The following BRMS1L variants were observed in gnomAD, a reference collection of about 807,000 sequenced individuals.
The protein encoded by BRMS1L is breast cancer metastasis-suppressor 1-like protein.
In BRMS1L, 23 loss-of-function variants were observed where a neutral mutation model predicts 50.3. The observed-to-expected ratio is 0.46, with a 90% CI of 0.33 to 0.65. The LOEUF (loss-of-function observed/expected upper bound fraction) is 0.65, where lower values mean the gene tolerates loss of function less well. Among genes scored for constraint, BRMS1L ranks in the 30% least tolerant of loss-of-function variants. The pLI, the probability that BRMS1L is intolerant of heterozygous loss-of-function variation, is 0.02. For synonymous variants in BRMS1L, 114 were observed against 126.9 expected (o/e 0.90, Z 0.69); for missense variants, 286 against 386.1 (o/e 0.74, Z 2.17).
At chr14:35,862,187 A>G (rs2078361131) in intron 4 of BRMS1L, among the ~76,000 whole-genome samples, 1 of 152,146 alleles carries the variant, frequency 6.6e-6, no homozygotes. Context: ...TGACCCAATT[A>G]TTATTCCTGT....
At chr14:35,865,846 G>C in intron 8 of BRMS1L, 85 bp downstream of exon 8, 1 of 1,189,420 alleles carries the variant, frequency 8.4e-7, no homozygotes, top group Non-Finnish European at 1.2e-6. Flanking sequence ...AAGAACTCTT[G>C]AATCAGTGGT....
intron 3 of BRMS1L, 118 bp from the exon 4 acceptor site, chr14:35,834,726 C>G: frequency 1.8e-6 from 1 of 560,254 alleles, no homozygotes. Context: ...GTTAGACTCA[C>G]TTTTCAATTT....
chr14:35,835,952 A>G (rs2077986655), intron 4 of BRMS1L, among the ~76,000 whole-genome samples: 1 of 152,248 alleles, frequency 6.6e-6, no homozygotes, highest in Non-Finnish European at 1.5e-5. Flanking sequence ...GGTAGAAATA[A>G]GAGGACAAGT....
chr14:35,853,950 G>T (rs1008051583), intron 4 of BRMS1L, among the ~76,000 whole-genome samples: 1 of 151,916 alleles, frequency 6.6e-6, no homozygotes, highest in African/African-American at 2.4e-5. Context: ...TACATTAATA[G>T]AATCTAAAAA....
At chr14:35,864,848 A>T in intron 6 of BRMS1L, 87 bp from the exon 7 acceptor site, 1 of 952,944 alleles carries the variant, frequency 1.0e-6, no homozygotes, top group Non-Finnish European at 1.6e-6. Context: ...CTCATAAATC[A>T]TCGTTCCATT....
At chr14:35,829,463 A>G (rs1036402089) in intron 1 of BRMS1L, among the ~76,000 whole-genome samples, 46 of 152,242 alleles carry the variant, frequency 3.0e-4, no homozygotes, top group African/African-American at 1.1e-3. Flanking sequence ...CTACAAGTCA[A>G]AATTTTAAGT....
At chr14:35,853,392 A>G (rs1191871733) in intron 4 of BRMS1L, among the ~76,000 whole-genome samples, 1 of 151,584 alleles carries the variant, frequency 6.6e-6, no homozygotes, top group Non-Finnish European at 1.5e-5. Flanking sequence ...TACTTTGATG[A>G]TGATGTTAAT....
chr14:35,837,255 CA>C (rs1292627703), intron 4 of BRMS1L, among the ~76,000 whole-genome samples: 52 of 127,560 alleles, frequency 4.1e-4, no homozygotes, highest in East Asian at 1.6e-3. Context: ...AACTCCGGCT[CA>C]AAAAAAAAAA....
chr14:35,862,768 C>A, intron 5 of BRMS1L, 82 bp downstream of exon 5: 2 of 720,556 alleles, frequency 2.8e-6, no homozygotes, highest in East Asian at 3.2e-5. Flanking sequence ...TCTCAGTCTT[C>A]TAATATTAAT....
intron 4 of BRMS1L, among the ~76,000 whole-genome samples, chr14:35,847,311 T>C (rs2078148709): frequency 6.6e-6 from 1 of 151,736 alleles, no homozygotes; most frequent in Non-Finnish European, 1.5e-5. Context: ...TTCTTTTTCT[T>C]CTTTCTTTTT....
intron 4 of BRMS1L, among the ~76,000 whole-genome samples, chr14:35,848,043 G>A (rs889837403): frequency 2.6e-5 from 4 of 152,140 alleles, no homozygotes; most frequent in Non-Finnish European, 5.9e-5. Flanking sequence ...TTGAGATCCC[G>A]ATTTCAATTC....
intron 1 of BRMS1L, among the ~76,000 whole-genome samples, chr14:35,828,758 C>T (rs926188632): frequency 1.3e-5 from 2 of 151,938 alleles, no homozygotes; most frequent in East Asian, 1.9e-4. Flanking sequence ...GCCTGGCCGA[C>T]GTGTTGCTTT....
At position 35,831,475 on chromosome 14, in the gene BRMS1L, A is replaced by C. The variant is rs2077917719; in HGVS notation, c.208A>C (p.Lys70Gln). 1.2e-6 allele frequency: 2 copies of C among 1,613,870 alleles called. No individual in the cohort carries two copies. The highest frequency in any genetic ancestry group is 8.5e-7 in the Non-Finnish European group (1 of 1,179,774). Reference protein sequence around the residue: ...ECLDEMSNLEKQFTDLKDQLY... With the variant: ...ECLDEMSNLEQQFTDLKDQLY... ...TTTGGATGAAATGTCCAATCTTGAA[A>C]AACAGTTTACCGATCTCAAAGATCA... The change falls in exon 2 of 10, where the codon AAA becomes CAA. Residue 70 changes from lysine (K) to glutamine (Q), a missense_variant. Physicochemically the swap from Lys to Gln is moderately conservative, Grantham distance 53. Transcript: ENST00000216807.
At chr14:35,867,805 T>C in intron 8 of BRMS1L, 101 bp from the exon 9 acceptor site, 1 of 1,177,754 alleles carries the variant, frequency 8.5e-7, no homozygotes, top group South Asian at 2.9e-5. Flanking sequence ...TTTAGGCCTT[T>C]TTTACATATG....
rs967605716 is a variant in BRMS1L at position 35,864,059 on chromosome 14, C to T, written c.622+106C>T. The T allele has an allele frequency of 9.8e-6, 8 of 816,338 alleles. No individual in the cohort carries two copies. In the African/African-American group the frequency reaches 1.4e-4, roughly 14 times the overall value. 50.6% of individuals were successfully genotyped at this position (816,338 alleles called of 1,614,324 possible). A position where few individuals can be genotyped will look rare whatever the true frequency, so the allele number is the denominator to read the frequency against. The stretch of plus-strand genomic sequence containing the variant: ...AAACACTGACTTTATTTGCATGATC[C>T]TGTAATAAGCAAAAGATGATTTATT... On this transcript the variant is annotated intron_variant, in intron 6 of 9. Coordinates refer to ENST00000216807, the MANE Select transcript of BRMS1L (RefSeq NM_032352.4).
intron 5 of BRMS1L, among the ~76,000 whole-genome samples, chr14:35,863,037 C>T (rs540465838): frequency 1.2e-4 from 18 of 151,776 alleles, no homozygotes; most frequent in Admixed American, 3.3e-4. Context: ...CCCAGGAGTT[C>T]GAGATTGCAA....
intron 4 of BRMS1L, among the ~76,000 whole-genome samples, chr14:35,856,378 G>A (rs1377552917): frequency 6.6e-6 from 1 of 152,134 alleles, no homozygotes; most frequent in Admixed American, 6.6e-5. Flanking sequence ...AAGATCTGAC[G>A]GCAGGTGGTA....
chr14:35,845,233 G>A (rs1171951788), intron 4 of BRMS1L, among the ~76,000 whole-genome samples: 1 of 151,990 alleles, frequency 6.6e-6, no homozygotes, highest in Non-Finnish European at 1.5e-5. Flanking sequence ...TGTTTTAATG[G>A]CACTGATAGG....
intron 4 of BRMS1L, among the ~76,000 whole-genome samples, chr14:35,841,891 C>T (rs1414123592): frequency 6.6e-6 from 1 of 151,836 alleles, no homozygotes; most frequent in Non-Finnish European, 1.5e-5. Flanking sequence ...TAGTTAGTTT[C>T]TCTGGTTGCA....
Sources: gnomAD v4.1 joint callset for allele counts (sites outside exome capture counted in the v4.1 genomes callset) on GRCh38, gnomAD v4.1.1 for gene constraint, MANE v1.5 for transcripts, NCBI Gene and HGNC (gene_info 2026-07-23, HGNC 2026-07-21) for gene names.